The following RNLS variants were observed in gnomAD, a reference collection of about 807,000 sequenced individuals.
RNLS encodes the protein renalase.
RNLS carries 39 observed loss-of-function variants against 39.8 expected under a neutral mutation model. That is an observed-to-expected ratio of 0.98 (90% CI 0.76 to 1.28). The LOEUF (loss-of-function observed/expected upper bound fraction) is 1.28, where lower values mean the gene tolerates loss of function less well. Ranked by LOEUF, RNLS falls within the 50% of genes most tolerant of loss-of-function variation. The probability of loss-of-function intolerance (pLI) is 0.00; values close to 1 mark genes in which losing one functional copy is unlikely to be tolerated. For missense variants in RNLS, 410 were observed against 413.3 expected (o/e 0.99, Z 0.07); for synonymous variants, 147 against 150.7 (o/e 0.98, Z 0.18).
rs774458389 is a variant in RNLS at position 88,285,356 on chromosome 10, A to G, written c.1027T>C (p.Ter343GlnextTer21). ...CVLEALKNYI* is the reference protein window; with the variant it reads ...CVLEALKNYIQ ...TGTAGAGAATAAGGATATAGGCACTAAATATAATTCTTTAAAGCTTCCAGA... is the reference window on the plus strand; with the variant it reads ...TGTAGAGAATAAGGATATAGGCACTGAATATAATTCTTTAAAGCTTCCAGA... Residue 343 changes from the stop codon to glutamine (Q), a stop_lost, in exon 7 of 7, where the codon TAG (stop) becomes CAG (glutamine). Transcript: ENST00000331772. 8 of 1,610,712 alleles carry G rather than the reference A, an allele frequency of 5.0e-6. No homozygotes were observed. Among genetic ancestry groups the G allele is most frequent in the Non-Finnish European group, 1.7e-6 (2 of 1,177,684 alleles).
intron 5 of RNLS, among the ~76,000 whole-genome samples, chr10:88,325,956 G>A (rs187599650): frequency 7.9e-5 from 12 of 152,214 alleles, no homozygotes; most frequent in African/African-American, 2.6e-4. Flanking sequence ...TCTTTTCTCT[G>A]TCCTGCCGCC....
At chr10:88,232,347 A>G in the RNLS span, among the ~76,000 whole-genome samples, 1 of 152,350 alleles carries the variant, frequency 6.6e-6, no homozygotes, top group East Asian at 1.9e-4. Context: ...ACACATGGCC[A>G]CTACACCCAC....
intron 4 of RNLS, among the ~76,000 whole-genome samples, chr10:88,548,746 G>T (rs1848464929): frequency 3.4e-5 from 5 of 148,640 alleles, no homozygotes; most frequent in Admixed American, 6.7e-5. Context: ...ATATATTTGT[G>T]TGTACATATA....
chr10:88,472,569 C>T (rs1843608634), intron 4 of RNLS, among the ~76,000 whole-genome samples: 1 of 152,146 alleles, frequency 6.6e-6, no homozygotes, highest in Non-Finnish European at 1.5e-5. Flanking sequence ...GGAATATAAG[C>T]TTCTGTGGTT....
intron 5 of RNLS, among the ~76,000 whole-genome samples, chr10:88,335,306 C>G (rs1003785323): frequency 6.6e-6 from 1 of 151,956 alleles, no homozygotes; most frequent in African/African-American, 2.4e-5. Context: ...CAACCTCCAC[C>G]TCCTGGGCTC....
intron 4 of RNLS, among the ~76,000 whole-genome samples, chr10:88,524,934 A>G: frequency 7.4e-6 from 1 of 135,050 alleles, no homozygotes. Flanking sequence ...TGTATGCCAT[A>G]TATATATATA....
intron 4 of RNLS, among the ~76,000 whole-genome samples, chr10:88,450,754 G>A (rs1935579): frequency 0.71 from 108,077 of 152,174 alleles, 39,517 homozygotes; most frequent in African/African-American, 0.89. Context: ...TTTACAGTAA[G>A]TTGACAGGAT....
At chr10:88,492,085 C>G (rs1412224632) in intron 4 of RNLS, among the ~76,000 whole-genome samples, 1 of 151,566 alleles carries the variant, frequency 6.6e-6, no homozygotes, top group East Asian at 1.9e-4. Flanking sequence ...ATCTGCTTTA[C>G]AGCAGAGTCA....
At chr10:88,420,595 C>A (rs573280773) in intron 4 of RNLS, among the ~76,000 whole-genome samples, 3 of 152,306 alleles carry the variant, frequency 2.0e-5, no homozygotes, top group African/African-American at 7.2e-5. Context: ...TTCTTCTCTG[C>A]GTATCTCTTA....
At chr10:88,421,224 T>C (rs1854390621) in intron 4 of RNLS, among the ~76,000 whole-genome samples, 2 of 152,222 alleles carry the variant, frequency 1.3e-5, no homozygotes, top group African/African-American at 2.4e-5. Flanking sequence ...GGAAGCGTTA[T>C]TAATATTGTT....
intron 4 of RNLS, among the ~76,000 whole-genome samples, chr10:88,488,178 T>C (rs1844654949): frequency 1.3e-5 from 2 of 152,092 alleles, no homozygotes; most frequent in South Asian, 2.1e-4. Flanking sequence ...GTATACATAA[T>C]ATAAAACATT....
intron 1 of RNLS, 100 bp downstream of exon 1, chr10:88,582,973 A>G: frequency 2.2e-6 from 3 of 1,356,912 alleles, no homozygotes; most frequent in Admixed American, 2.3e-5. Context: ...CTGAGGGTAT[A>G]GCGTTTTCGC....
intron 4 of RNLS, among the ~76,000 whole-genome samples, chr10:88,498,110 G>A (rs1245285813): frequency 2.6e-5 from 4 of 151,850 alleles, no homozygotes; most frequent in Admixed American, 6.6e-5. Flanking sequence ...TCATTACAAA[G>A]GGAAAAATAG....
chr10:88,570,272 C>A (rs1430441747), intron 4 of RNLS, among the ~76,000 whole-genome samples: 1 of 152,102 alleles, frequency 6.6e-6, no homozygotes, highest in African/African-American at 2.4e-5. Context: ...TAGAGTTTTT[C>A]TTTCTTTCTT....
intron 6 of RNLS, among the ~76,000 whole-genome samples, chr10:88,288,639 A>G (rs1843452245): frequency 1.3e-5 from 2 of 152,158 alleles, no homozygotes; most frequent in African/African-American, 4.8e-5. Context: ...AGTTTAAGGA[A>G]AAAGGTTTTG....
At chr10:88,511,033 AAC>A (rs200334398) in intron 4 of RNLS, among the ~76,000 whole-genome samples, 54 of 128,238 alleles carry the variant, frequency 4.2e-4, no homozygotes, top group African/African-American at 9.6e-4. Context: ...AAAAAAAAAA[AAC>A]CAAAAACCTG....
chr10:88,285,060 T>C lies in RNLS; in HGVS notation c.*294A>G. 1 of 1,010,262 alleles carries C rather than the reference T, an allele frequency of 9.9e-7. No homozygotes were observed. Among genetic ancestry groups the C allele is most frequent in the Non-Finnish European group, 1.2e-6 (1 of 845,026 alleles). 62.6% of individuals were successfully genotyped at this position (1,010,262 alleles called of 1,614,324 possible). A position where few individuals can be genotyped will look rare whatever the true frequency, so the allele number is the denominator to read the frequency against. On this transcript the variant is annotated 3_prime_UTR_variant, in exon 7 of 7. Coordinates refer to ENST00000331772, the MANE Select transcript of RNLS (RefSeq NM_001031709.3). ...AAACTGTTATTGTGATTTAATGTAATTTTTTTGAGAGAGTCGTTTGTTATT... is the reference window on the plus strand; with the variant it reads ...AAACTGTTATTGTGATTTAATGTAACTTTTTTGAGAGAGTCGTTTGTTATT...
chr10:88,421,939 T>C (rs1199451727), intron 4 of RNLS, among the ~76,000 whole-genome samples: 2 of 152,222 alleles, frequency 1.3e-5, no homozygotes, highest in Non-Finnish European at 2.9e-5. Context: ...CTGCTCATTA[T>C]ACAAGATCAC....
At chr10:88,448,286 T>G (rs1297342404) in intron 4 of RNLS, among the ~76,000 whole-genome samples, 1 of 151,752 alleles carries the variant, frequency 6.6e-6, no homozygotes, top group African/African-American at 2.4e-5. Flanking sequence ...ATCCAGAATC[T>G]ACAAAGAAAT....
Sources: allele counts gnomAD v4.1 joint callset (sites outside exome capture counted in the v4.1 genomes callset), GRCh38; gene constraint gnomAD v4.1.1; transcripts MANE v1.5; gene names NCBI Gene and HGNC (gene_info 2026-07-23, HGNC 2026-07-21).